RANBP17: variants seen among roughly 807,000 people sequenced by gnomAD.
RANBP17 encodes the protein ran-binding protein 17.
A neutral mutation model predicts 141.2 loss-of-function variants in RANBP17; 158 were observed. The observed-to-expected ratio is 1.12, with a 90% CI of 0.98 to 1.28. The LOEUF (loss-of-function observed/expected upper bound fraction) is 1.28, where lower values mean the gene tolerates loss of function less well. Ranked by LOEUF, RANBP17 falls within the 50% of genes most tolerant of loss-of-function variation. The pLI, the probability that RANBP17 is intolerant of heterozygous loss-of-function variation, is 0.00. For missense variants in RANBP17, 1,438 were observed against 1,290.7 expected (o/e 1.11, Z -1.75); for synonymous variants, 430 against 450.0 (o/e 0.96, Z 0.56).
chr5:170,964,090 C>A (rs1291230057), intron 13 of RANBP17, among the ~76,000 whole-genome samples: 1 of 151,936 alleles, frequency 6.6e-6, no homozygotes, highest in Admixed American at 6.6e-5. Context: ...CCTGAATTAT[C>A]TTGTCTGTGT....
chr5:171,238,373 G>C (rs965548464), intron 22 of RANBP17, among the ~76,000 whole-genome samples: 8 of 78,794 alleles, frequency 1.0e-4, no homozygotes, highest in South Asian at 1.5e-3. Flanking sequence ...AGAGATAACA[G>C]TTATGATTCT....
At chr5:171,115,814 C>G (rs1755581803) in intron 14 of RANBP17, among the ~76,000 whole-genome samples, 1 of 152,102 alleles carries the variant, frequency 6.6e-6, no homozygotes, top group Non-Finnish European at 1.5e-5. Flanking sequence ...CTAAAACTTG[C>G]TAGCAAAATT....
intron 14 of RANBP17, among the ~76,000 whole-genome samples, chr5:170,979,229 A>G (rs775436156): frequency 4.6e-5 from 7 of 152,216 alleles, no homozygotes; most frequent in Non-Finnish European, 1.0e-4. Context: ...GCATAGTTCA[A>G]CCATATCTGT....
At chr5:171,096,213 T>C (rs1786679752) in intron 14 of RANBP17, among the ~76,000 whole-genome samples, 1 of 152,188 alleles carries the variant, frequency 6.6e-6, no homozygotes, top group African/African-American at 2.4e-5. Context: ...TCAACTGTAA[T>C]GTGAAACACA....
chr5:170,946,691 C>T (rs4868048), intron 12 of RANBP17, among the ~76,000 whole-genome samples: 92,976 of 151,834 alleles, frequency 0.61, 29,829 homozygotes, highest in South Asian at 0.88. Context: ...GATTTATTGA[C>T]ACTGAACTCA....
intron 18 of RANBP17, among the ~76,000 whole-genome samples, chr5:171,198,942 A>G (rs1016745046): frequency 2.6e-5 from 4 of 152,198 alleles, no homozygotes; most frequent in South Asian, 2.1e-4. Context: ...AAAGAATACT[A>G]TATAAATTAT....
intron 13 of RANBP17, among the ~76,000 whole-genome samples, chr5:170,954,172 G>T (rs558730358): frequency 6.6e-6 from 1 of 152,180 alleles, no homozygotes; most frequent in South Asian, 2.1e-4. Context: ...TAATACAAGT[G>T]AATTGATTTT....
intron 24 of RANBP17, among the ~76,000 whole-genome samples, chr5:171,263,933 A>C (rs542040192): frequency 6.6e-6 from 1 of 152,262 alleles, no homozygotes; most frequent in East Asian, 1.9e-4. Flanking sequence ...ATGGTAGTGC[A>C]CAGCTACAGT....
intron 14 of RANBP17, among the ~76,000 whole-genome samples, chr5:170,999,696 A>G (rs907064416): frequency 5.3e-5 from 8 of 152,140 alleles, no homozygotes; most frequent in Admixed American, 4.6e-4. Context: ...CCTAATACCT[A>G]TTATTCTTTC....
chr5:171,110,142 G>A (rs1177522570), intron 14 of RANBP17, among the ~76,000 whole-genome samples: 2 of 151,428 alleles, frequency 1.3e-5, no homozygotes, highest in African/African-American at 2.4e-5. Context: ...AGTGTGTAAG[G>A]CCTGACTGCC....
intron 14 of RANBP17, among the ~76,000 whole-genome samples, chr5:171,073,884 A>AT (rs781141064): frequency 4.7e-5 from 7 of 150,442 alleles, no homozygotes; most frequent in Admixed American, 6.6e-5. Flanking sequence ...ACAAAATGGG[A>AT]TGTTATATTT....
At chr5:171,131,909 T>C (rs567909572) in intron 14 of RANBP17, among the ~76,000 whole-genome samples, 1 of 152,348 alleles carries the variant, frequency 6.6e-6, no homozygotes, top group South Asian at 2.1e-4. Context: ...TGAGAGTAAT[T>C]AAGTGCTTCC....
intron 5 of RANBP17, chr5:170,897,059 T>G: frequency 2.3e-6 from 2 of 871,600 alleles, no homozygotes; most frequent in Non-Finnish European, 3.8e-6. Flanking sequence ...ATAAGCAGCT[T>G]CCTTAGAAAT....
At chr5:171,007,305 G>A (rs1239297447) in intron 14 of RANBP17, among the ~76,000 whole-genome samples, 1 of 152,122 alleles carries the variant, frequency 6.6e-6, no homozygotes, top group Non-Finnish European at 1.5e-5. Context: ...AGAGGAAATT[G>A]TCGGGCAGTG....
At position 171,125,296 on chromosome 5, in the gene RANBP17, C is replaced by CAAAAAA. The variant is rs3083436; in HGVS notation, c.1711-44820_1711-44815dup. On this transcript the variant is annotated intron_variant, in intron 14 of 27. Transcript: ENST00000523189. ...TGGGTGACAGAGTGAGACTATGTAT[C>CAAAAAA]AAAAAAAAAAAAAAAAAAAGAAAGT... 4.8e-3 allele frequency among the ~76,000 whole-genome samples: 393 copies of CAAAAAA among 82,316 alleles called. 3 individuals carry two copies. The highest frequency in any genetic ancestry group is 0.01 in the Middle Eastern group (1 of 100). 54.0% of individuals were successfully genotyped at this position (82,316 alleles called of 152,430 possible).
chr5:170,883,239 TTTTG>T (rs949917339), intron 3 of RANBP17, among the ~76,000 whole-genome samples: 1 of 152,246 alleles, frequency 6.6e-6, no homozygotes, highest in Non-Finnish European at 1.5e-5. Context: ...AAACTTGTGA[TTTTG>T]TTTATTATAC....
intron 14 of RANBP17, among the ~76,000 whole-genome samples, chr5:171,096,130 T>C (rs1450239435): frequency 2.0e-5 from 3 of 152,048 alleles, no homozygotes; most frequent in Non-Finnish European, 2.9e-5. Flanking sequence ...GCAGGCACAT[T>C]TGATGTAACT....
At chr5:171,188,801 A>G (rs907692049) in intron 18 of RANBP17, among the ~76,000 whole-genome samples, 5 of 152,152 alleles carry the variant, frequency 3.3e-5, no homozygotes, top group Non-Finnish European at 5.9e-5. Flanking sequence ...CACAGCCCCA[A>G]CTCTGTATTC....
chr5:170,908,645 A>G (rs1203989885), intron 5 of RANBP17, among the ~76,000 whole-genome samples: 1 of 151,494 alleles, frequency 6.6e-6, no homozygotes, highest in African/African-American at 2.4e-5. Context: ...CACAAGCTAA[A>G]ATGAAAGTTG....
Sources: allele counts gnomAD v4.1 joint callset (sites outside exome capture counted in the v4.1 genomes callset), GRCh38; gene constraint gnomAD v4.1.1; transcripts MANE v1.5; gene names NCBI Gene and HGNC (gene_info 2026-07-23, HGNC 2026-07-21).